The following RHPN2 variants were observed in gnomAD, a reference collection of about 807,000 sequenced individuals.
RHPN2 encodes the protein rhophilin Rho GTPase binding protein 2.
A neutral mutation model predicts 79.0 loss-of-function variants in RHPN2; 40 were observed. The ratio of observed to expected loss-of-function variants is 0.51; its 90% CI spans 0.39 to 0.66. RHPN2 has a LOEUF of 0.66. RHPN2 is among the 30% of genes least tolerant of loss of function. The probability of loss-of-function intolerance (pLI) is 0.00; values close to 1 mark genes in which losing one functional copy is unlikely to be tolerated. For synonymous variants in RHPN2, 285 were observed against 363.5 expected (o/e 0.78, Z 2.46); for missense variants, 686 against 883.5 (o/e 0.78, Z 2.83).
chr19:33,007,663 G>C (rs1195426818), intron 7 of RHPN2, among the ~76,000 whole-genome samples: 1 of 152,046 alleles, frequency 6.6e-6, no homozygotes, highest in Non-Finnish European at 1.5e-5. Flanking sequence ...GCCATCCCAG[G>C]GGCCACTTGT....
At chr19:33,024,228 T>C (rs1971948493) in intron 3 of RHPN2, among the ~76,000 whole-genome samples, 1 of 151,948 alleles carries the variant, frequency 6.6e-6, no homozygotes, top group African/African-American at 2.4e-5. Flanking sequence ...GGTCAGGAGT[T>C]CGAGACCAGC....
intron 14 of RHPN2, among the ~76,000 whole-genome samples, chr19:32,990,180 G>A (rs1167052636): frequency 1.1e-4 from 7 of 63,850 alleles, no homozygotes; most frequent in Non-Finnish European, 2.3e-4. Context: ...AGCCAGGGGT[G>A]GTAGTGGGTG....
At chr19:33,023,691 A>G (rs1211235051) in intron 3 of RHPN2, among the ~76,000 whole-genome samples, 7 of 150,420 alleles carry the variant, frequency 4.7e-5, no homozygotes, top group South Asian at 2.1e-4. Context: ...AGGCTGAGGC[A>G]GGAGAATGGT....
intron 12 of RHPN2, among the ~76,000 whole-genome samples, chr19:32,993,250 G>A (rs1159382942): frequency 2.0e-5 from 3 of 152,150 alleles, no homozygotes; most frequent in Admixed American, 6.5e-5. Context: ...TGAGGTGAGC[G>A]GATCACTGGA....
intron 13 of RHPN2, 116 bp from the exon 14 acceptor site, chr19:32,990,785 T>C (rs1488394710): frequency 1.1e-5 from 13 of 1,223,172 alleles, no homozygotes; most frequent in Non-Finnish European, 1.5e-5. Context: ...AAAAATTCAC[T>C]TTGGGTGGCT....
At chr19:33,036,670 G>A (rs983816904) in intron 2 of RHPN2, among the ~76,000 whole-genome samples, 9 of 152,200 alleles carry the variant, frequency 5.9e-5, no homozygotes, top group East Asian at 3.9e-4. Flanking sequence ...AGGGCTGCCC[G>A]CGGTGCTTGC....
At position 33,023,784 on chromosome 19, in the gene RHPN2, CA is replaced by C. The variant is rs61273503; in HGVS notation, c.315-2139del. On this transcript the variant is annotated intron_variant, in intron 3 of 14. Coordinates refer to ENST00000254260, the MANE Select transcript of RHPN2 (RefSeq NM_033103.5). ...TGGGCGACACAGTGAGACTCCATCTCAAAAAAAAAAAAAAAGAAAAAAAAGA... is the reference window on the plus strand; with the variant it reads ...TGGGCGACACAGTGAGACTCCATCTCAAAAAAAAAAAAAAGAAAAAAAAGA... 2.1e-3 allele frequency among the ~76,000 whole-genome samples: 232 copies of C among 110,534 alleles called. 2 individuals are homozygous for C. Among genetic ancestry groups the C allele is most frequent in the African/African-American group, 3.3e-3 (108 of 32,740 alleles). The allele number at this position is 110,534 out of a possible 152,430, so 72.5% of individuals were successfully genotyped here.
Position 33,013,493 on chromosome 19 carries a change from C to T in RHPN2, c.391-769G>A, listed in dbSNP as rs200978247. Among the ~76,000 whole-genome samples, 21 of 152,248 alleles carry T rather than the reference C, an allele frequency of 1.4e-4. No homozygotes were observed. The East Asian group carries it at 2.5e-3, about 18-fold the overall frequency. ...TACAGGTGTGAGCCACTGCAACACA[C>T]GCCTATGTTTTTAAATGTTGTGCTG... On this transcript the variant is annotated intron_variant, in intron 4 of 14. Transcript: ENST00000254260.
At chr19:33,043,671 C>T (rs983273657) in intron 2 of RHPN2, among the ~76,000 whole-genome samples, 33 of 152,144 alleles carry the variant, frequency 2.2e-4, no homozygotes, top group South Asian at 2.1e-4. Flanking sequence ...TGTTGCATTT[C>T]GTTGCCTGGA....
At chr19:33,037,442 C>G (rs1417314103) in intron 2 of RHPN2, among the ~76,000 whole-genome samples, 1 of 152,230 alleles carries the variant, frequency 6.6e-6, no homozygotes, top group South Asian at 2.1e-4. Context: ...GCAACCTGCT[C>G]TGGTCCCTTT....
intron 1 of RHPN2, among the ~76,000 whole-genome samples, chr19:33,049,436 G>C (rs935511032): frequency 6.6e-6 from 1 of 152,162 alleles, no homozygotes; most frequent in Admixed American, 6.6e-5. Context: ...GTTCTCAACA[G>C]AACACAAAGC....
intron 3 of RHPN2, among the ~76,000 whole-genome samples, 195 bp from the exon 4 acceptor site, chr19:33,021,841 G>A (rs1006972702): frequency 2.6e-5 from 4 of 151,956 alleles, no homozygotes; most frequent in Admixed American, 1.3e-4. Context: ...AACTGACCCC[G>A]CTCCCTAAGA....
intron 2 of RHPN2, among the ~76,000 whole-genome samples, chr19:33,032,858 C>T (rs533762191): frequency 9.1e-4 from 138 of 152,236 alleles, no homozygotes; most frequent in African/African-American, 3.2e-3. Context: ...CTCCTATTGC[C>T]TGCCAGGAAG....
At chr19:33,010,536 A>G (rs979751531) in intron 6 of RHPN2, among the ~76,000 whole-genome samples, 3 of 151,620 alleles carry the variant, frequency 2.0e-5, no homozygotes, top group African/African-American at 7.3e-5. Context: ...GGCACGCGCA[A>G]CTATGCCTTG....
At chr19:33,064,451 G>A (rs1187690348) in intron 1 of RHPN2, among the ~76,000 whole-genome samples, 2 of 151,948 alleles carry the variant, frequency 1.3e-5, no homozygotes, top group Non-Finnish European at 2.9e-5. Flanking sequence ...CCTTTCCCCA[G>A]GCACCAGGGA....
chr19:33,055,522 C>G (rs1472833198), intron 1 of RHPN2, among the ~76,000 whole-genome samples: 1 of 151,986 alleles, frequency 6.6e-6, no homozygotes, highest in African/African-American at 2.4e-5. Flanking sequence ...GTATCAGTAC[C>G]AATAGAGCTG....
chr19:32,986,317 C>A (rs1328261223), intron 14 of RHPN2, among the ~76,000 whole-genome samples: 1 of 152,252 alleles, frequency 6.6e-6, no homozygotes, highest in East Asian at 1.9e-4. Context: ...GGGGTCCCTA[C>A]TCCAACCTTC....
chr19:33,061,618 GGATTACA>G (rs1302505587), intron 1 of RHPN2, among the ~76,000 whole-genome samples: 1 of 151,882 alleles, frequency 6.6e-6, no homozygotes, highest in African/African-American at 2.4e-5. Flanking sequence ...CAAGTAGCTG[GGATTACA>G]GGCGCCTGCC....
intron 1 of RHPN2, among the ~76,000 whole-genome samples, chr19:33,050,400 T>G (rs1972177181): frequency 6.6e-6 from 1 of 152,314 alleles, no homozygotes; most frequent in South Asian, 2.1e-4. Context: ...GAGATACAAT[T>G]TATATATAAT....
Sources: allele counts gnomAD v4.1 joint callset (sites outside exome capture counted in the v4.1 genomes callset), GRCh38; gene constraint gnomAD v4.1.1; transcripts MANE v1.5; gene names NCBI Gene and HGNC (gene_info 2026-07-23, HGNC 2026-07-21).